The following PDLIM5 variants were observed in gnomAD, a reference collection of about 807,000 sequenced individuals.
The protein encoded by PDLIM5 is PDZ and LIM domain protein 5.
In PDLIM5, 34 loss-of-function variants were observed where a neutral mutation model predicts 64.2. That is an observed-to-expected ratio of 0.53 (90% CI 0.40 to 0.71). The LOEUF (loss-of-function observed/expected upper bound fraction) is 0.71. Ranked by LOEUF, PDLIM5 falls within the 30% of genes least tolerant of loss-of-function variation. PDLIM5 has a pLI of 0.00. For missense variants in PDLIM5, 683 were observed against 733.6 expected, an observed-to-expected ratio of 0.93 and a Z score of 0.80; for synonymous variants, 253 against 269.1, an observed-to-expected ratio of 0.94 and a Z score of 0.59.
chr4:94,643,426 T>C (rs1285648545), intron 9 of PDLIM5, among the ~76,000 whole-genome samples: 1 of 152,180 alleles, frequency 6.6e-6, no homozygotes, highest in Non-Finnish European at 1.5e-5. Flanking sequence ...AGTGCTAGGA[T>C]AATAGAGAAT....
chr4:94,615,444 A>G (rs1738700196), intron 7 of PDLIM5, among the ~76,000 whole-genome samples: 1 of 152,126 alleles, frequency 6.6e-6, no homozygotes, highest in African/African-American at 2.4e-5. Context: ...TACTTCTATT[A>G]TTATTAATTA....
chr4:94,619,723 G>C (rs915784790), intron 8 of PDLIM5, among the ~76,000 whole-genome samples: 4 of 151,982 alleles, frequency 2.6e-5, no homozygotes, highest in Non-Finnish European at 5.9e-5. Flanking sequence ...GCTCACTGTA[G>C]CCTCAACCTC....
At position 94,550,679 on chromosome 4, in the gene PDLIM5, A is replaced by G. The variant is rs181688984; in HGVS notation, c.249-22672A>G. ...AACTCTAAAAGTTTGGAATTCTAAAACTCCAATTTTGGAATTCTGTGGTGG... is the reference window on the plus strand; with the variant it reads ...AACTCTAAAAGTTTGGAATTCTAAAGCTCCAATTTTGGAATTCTGTGGTGG... On this transcript the variant is annotated intron_variant, in intron 3 of 12. Coordinates refer to ENST00000317968, the MANE Select transcript of PDLIM5 (RefSeq NM_006457.5). Among the ~76,000 whole-genome samples the G allele has an allele frequency of 6.6e-5, 10 of 152,124 alleles. No homozygotes were observed. The East Asian group carries it at 1.5e-3, about 23-fold the overall frequency.
chr4:94,520,104 A>C (rs1025399902), intron 2 of PDLIM5, among the ~76,000 whole-genome samples: 1 of 152,060 alleles, frequency 6.6e-6, no homozygotes. Flanking sequence ...ATCAGTGAAC[A>C]GACCTGAACT....
At chr4:94,466,349 A>AT (rs1230410409) in intron 2 of PDLIM5, among the ~76,000 whole-genome samples, 3 of 152,220 alleles carry the variant, frequency 2.0e-5, no homozygotes, top group Non-Finnish European at 4.4e-5. Flanking sequence ...TTAACAAAAA[A>AT]ATATATAACT....
intron 7 of PDLIM5, among the ~76,000 whole-genome samples, chr4:94,614,251 G>A (rs775051954): frequency 6.6e-6 from 1 of 152,056 alleles, no homozygotes; most frequent in Admixed American, 6.6e-5. Context: ...ATGAGCCACC[G>A]CGCCCAGCCA....
intron 2 of PDLIM5, among the ~76,000 whole-genome samples, chr4:94,498,654 T>C (rs1245427038): frequency 6.6e-6 from 1 of 152,228 alleles, no homozygotes; most frequent in Non-Finnish European, 1.5e-5. Context: ...CTTTGATGCT[T>C]AATGGATGTG....
intron 2 of PDLIM5, among the ~76,000 whole-genome samples, chr4:94,504,819 C>A (rs553893274): frequency 6.6e-6 from 1 of 152,258 alleles, no homozygotes; most frequent in African/African-American, 2.4e-5. Flanking sequence ...TTGGAATGTT[C>A]TGAATGTTTC....
chr4:94,527,045 T>C (rs111503267), intron 3 of PDLIM5, among the ~76,000 whole-genome samples: 2,853 of 134,800 alleles, frequency 0.021, 108 homozygotes, highest in African/African-American at 0.079. Flanking sequence ...TGAACAGCAT[T>C]CTTTTTTTTT....
chr4:94,663,238 A>G (rs2110511395), intron 12 of PDLIM5, among the ~76,000 whole-genome samples: 1 of 152,316 alleles, frequency 6.6e-6, no homozygotes, highest in African/African-American at 2.4e-5. Flanking sequence ...AGTAATATTA[A>G]TCGGTGCTTA....
intron 3 of PDLIM5, among the ~76,000 whole-genome samples, chr4:94,565,544 A>T (rs1207462182): frequency 6.6e-6 from 1 of 152,186 alleles, no homozygotes; most frequent in Non-Finnish European, 1.5e-5. Context: ...AAGACCCACA[A>T]GAAGATTATG....
intron 3 of PDLIM5, among the ~76,000 whole-genome samples, chr4:94,551,985 T>C (rs1047997426): frequency 9.2e-5 from 14 of 152,160 alleles, no homozygotes; most frequent in African/African-American, 3.4e-4. Context: ...GGCAAAGATA[T>C]TACGTAGTAA....
intron 5 of PDLIM5, chr4:94,582,595 A>T: frequency 1.6e-6 from 1 of 640,096 alleles, no homozygotes; most frequent in Non-Finnish European, 2.8e-6. Flanking sequence ...TTTGAATTTT[A>T]TTTCATTGTC....
At chr4:94,631,190 AC>A (rs1236164836) in intron 8 of PDLIM5, among the ~76,000 whole-genome samples, 1 of 151,518 alleles carries the variant, frequency 6.6e-6, no homozygotes, top group Non-Finnish European at 1.5e-5. Flanking sequence ...GATTTGAGCC[AC>A]CACACCTGGC....
At position 94,621,557 on chromosome 4, in the gene PDLIM5, A is replaced by C. The variant is rs537320756; in HGVS notation, c.1108+3366A>C. Reference sequence around the variant, plus strand: ...AAGAGAAGGCACAAAGTATATGGACAGTGGAGGACAGAAAGTTTATATACG... The same window carrying C: ...AAGAGAAGGCACAAAGTATATGGACCGTGGAGGACAGAAAGTTTATATACG... On this transcript the variant is annotated intron_variant, in intron 8 of 12. Coordinates refer to ENST00000317968, the MANE Select transcript of PDLIM5 (RefSeq NM_006457.5). 1.6e-4 allele frequency among the ~76,000 whole-genome samples: 25 copies of C among 152,368 alleles called. No homozygotes were observed. In the South Asian group the frequency reaches 4.1e-3, roughly 25 times the overall value.
chr4:94,469,825 G>A (rs893598224), intron 2 of PDLIM5, among the ~76,000 whole-genome samples: 1 of 152,038 alleles, frequency 6.6e-6, no homozygotes, highest in South Asian at 2.1e-4. Flanking sequence ...GCCTTCTGAG[G>A]TGACTATTTG....
At position 94,577,101 on chromosome 4, in the gene PDLIM5, G is replaced by T. The variant is rs144497237; in HGVS notation, c.710+1067G>T. ...TTGGAATTCAGGGATGATACTTTAA[G>T]GCAGTCATTTATGTAAAATCATTTT... On this transcript the variant is annotated intron_variant, in intron 5 of 12. Coordinates refer to ENST00000317968, the MANE Select transcript of PDLIM5 (RefSeq NM_006457.5). 1.3e-4 allele frequency: 56 copies of T among 431,012 alleles called. 1 individual carries two copies. The East Asian group carries it at 3.9e-3, about 30-fold the overall frequency. 26.7% of individuals were successfully genotyped at this position (431,012 alleles called of 1,614,324 possible).
chr4:94,494,600 C>G (rs555401592), intron 2 of PDLIM5, among the ~76,000 whole-genome samples: 1 of 150,916 alleles, frequency 6.6e-6, no homozygotes, highest in Non-Finnish European at 1.5e-5. Context: ...CCACCATGCC[C>G]GGCTAATTTT....
intron 2 of PDLIM5, among the ~76,000 whole-genome samples, chr4:94,481,316 A>G (rs1321850774): frequency 7.1e-5 from 10 of 140,986 alleles, no homozygotes; most frequent in Non-Finnish European, 9.1e-5. Context: ...TTTGAGACAG[A>G]GTCTTGCTCT....
Sources: allele counts gnomAD v4.1 joint callset (sites outside exome capture counted in the v4.1 genomes callset), GRCh38; gene constraint gnomAD v4.1.1; transcripts MANE v1.5; gene names NCBI Gene and HGNC (gene_info 2026-07-23, HGNC 2026-07-21).